The following PDE12 variants were observed in gnomAD, a reference collection of about 807,000 sequenced individuals.
PDE12 encodes the protein phosphodiesterase 12.
A neutral mutation model predicts 45.4 loss-of-function variants in PDE12; 26 were observed. The observed-to-expected ratio is 0.57, with a 90% confidence interval of 0.42 to 0.79. PDE12 has a LOEUF of 0.79. PDE12 is among the 30% of genes least tolerant of loss of function. PDE12 has a pLI of 0.00. For synonymous variants in PDE12, 283 were observed against 323.9 expected (o/e 0.87, Z 1.36); for missense variants, 668 against 790.0 (o/e 0.85, Z 1.85).
the PDE12 span, among the ~76,000 whole-genome samples, chr3:57,612,953 C>G: frequency 3.0e-4 from 45 of 152,002 alleles, 1 homozygote; most frequent in South Asian, 9.4e-3. Context: ...AGTAAAAAAG[C>G]AAGAATGAAC....
chr3:57,645,808 T>C, the PDE12 span: 1 of 1,364,340 alleles, frequency 7.3e-7, no homozygotes, highest in Admixed American at 1.8e-5. Context: ...TTAAAGGTCC[T>C]AATCTATAAC....
chr3:57,644,555 G>A, the PDE12 span, among the ~76,000 whole-genome samples: 12 of 150,440 alleles, frequency 8.0e-5, no homozygotes, highest in South Asian at 2.1e-4. Flanking sequence ...TGATCTGCCC[G>A]CCTCAGCCTA....
At chr3:57,602,697 A>C in the PDE12 span, among the ~76,000 whole-genome samples, 1 of 151,918 alleles carries the variant, frequency 6.6e-6, no homozygotes, top group South Asian at 2.1e-4. Flanking sequence ...CAGCCTCCCG[A>C]GTAGCTGGGA....
chr3:57,634,555 T>G, the PDE12 span: 1 of 1,357,542 alleles, frequency 7.4e-7, no homozygotes, highest in Non-Finnish European at 9.8e-7. Context: ...AGCAACTAAT[T>G]ACCTTCTGTA....
the PDE12 span, among the ~76,000 whole-genome samples, chr3:57,595,729 A>C: frequency 6.6e-6 from 1 of 152,148 alleles, no homozygotes; most frequent in Non-Finnish European, 1.5e-5. Flanking sequence ...TGGGTGGATC[A>C]CCTGAGGTGA....
chr3:57,585,399 GAAGATGAAGCCAATT>G, the PDE12 span, among the ~76,000 whole-genome samples: 1 of 151,956 alleles, frequency 6.6e-6, no homozygotes, highest in Non-Finnish European at 1.5e-5. Context: ...GATAATAAAG[GAAGATGAAGCCAATT>G]TTACCCCTGC....
At chr3:57,645,464 A>C in the PDE12 span, among the ~76,000 whole-genome samples, 1 of 152,188 alleles carries the variant, frequency 6.6e-6, no homozygotes, top group Non-Finnish European at 1.5e-5. Context: ...CTGTCTCAAA[A>C]ATAAATAAAT....
chr3:57,630,348 C>G, the PDE12 span: 3 of 1,350,036 alleles, frequency 2.2e-6, no homozygotes, highest in Middle Eastern at 2.1e-4. Flanking sequence ...AGGGTACAAT[C>G]TTCAACTTCT....
At chr3:57,611,302 C>A in the PDE12 span, among the ~76,000 whole-genome samples, 1 of 152,218 alleles carries the variant, frequency 6.6e-6, no homozygotes, top group South Asian at 2.1e-4. Flanking sequence ...CTAGGCAATA[C>A]CATTCAGGAC....
the PDE12 span, among the ~76,000 whole-genome samples, chr3:57,610,297 T>A: frequency 6.6e-6 from 1 of 152,258 alleles, no homozygotes; most frequent in South Asian, 2.1e-4. Context: ...GGGCAAAAAC[T>A]GGAAGCATTC....
At chr3:57,651,895 T>C in the PDE12 span, among the ~76,000 whole-genome samples, 1 of 151,998 alleles carries the variant, frequency 6.6e-6, no homozygotes, top group Non-Finnish European at 1.5e-5. Flanking sequence ...AACAGATATA[T>C]AAAAATAGTG....
chr3:57,613,562 G>T, the PDE12 span, among the ~76,000 whole-genome samples: 1 of 151,436 alleles, frequency 6.6e-6, no homozygotes, highest in African/African-American at 2.4e-5. Context: ...AAAGTGCTGG[G>T]ATTACAGGTG....
chr3:57,563,003 T>C lies in PDE12; in HGVS notation c.*2999T>C, dbSNP rs2069742649. 6.6e-6 allele frequency: 1 copy of C among 152,212 alleles called. No homozygotes were observed. The highest frequency in any genetic ancestry group is 1.5e-5 in the Non-Finnish European group (1 of 68,030). The allele number at this position is 152,212 out of a possible 1,614,324, so 9.4% of individuals were successfully genotyped here. ...AAAGAACACTACTGTGGAAAGTTCT[T>C]ACGATGGAAATTGACATCTTTTGTA... On this transcript the variant is annotated 3_prime_UTR_variant, in exon 3 of 3. Transcript: ENST00000311180.
chr3:57,623,660 C>T, the PDE12 span, among the ~76,000 whole-genome samples: 1 of 152,160 alleles, frequency 6.6e-6, no homozygotes, highest in Non-Finnish European at 1.5e-5. Context: ...GCCTGGGTGA[C>T]AGAGCAAGAC....
intron 2 of PDE12, 44 bp from the exon 3 acceptor site, chr3:57,559,518 A>T (rs1250372947): frequency 1.3e-6 from 2 of 1,566,146 alleles, no homozygotes; most frequent in Non-Finnish European, 1.7e-6. Context: ...TAACTTAAAG[A>T]CAACTTTAAA....
At chr3:57,635,732 T>C in the PDE12 span, among the ~76,000 whole-genome samples, 3 of 152,236 alleles carry the variant, frequency 2.0e-5, no homozygotes, top group Admixed American at 6.5e-5. Context: ...TTTAAGAGTA[T>C]GTATTATGAT....
the PDE12 span, chr3:57,583,815 C>A: frequency 2.1e-6 from 2 of 933,836 alleles, no homozygotes; most frequent in East Asian, 2.5e-5. Context: ...ACACCAATAT[C>A]CAAGTAAATA....
At chr3:57,601,854 C>T in the PDE12 span, among the ~76,000 whole-genome samples, 2 of 149,060 alleles carry the variant, frequency 1.3e-5, no homozygotes, top group Admixed American at 1.4e-4. Context: ...AGGTGATTCT[C>T]CTGCCTCAGC....
chr3:57,653,502 T>C, the PDE12 span, among the ~76,000 whole-genome samples: 1 of 151,938 alleles, frequency 6.6e-6, no homozygotes, highest in African/African-American at 2.4e-5. Context: ...TCCCAGCACT[T>C]TGGGAGGCTG....
Sources: allele counts gnomAD v4.1 joint callset (sites outside exome capture counted in the v4.1 genomes callset), GRCh38; gene constraint gnomAD v4.1.1; transcripts MANE v1.5; gene names NCBI Gene and HGNC (gene_info 2026-07-23, HGNC 2026-07-21).